MKLN1: variants seen among roughly 807,000 people sequenced by gnomAD.
MKLN1 encodes muskelin.
In MKLN1, 18 loss-of-function variants were observed where a neutral mutation model predicts 99.0. The ratio of observed to expected loss-of-function variants is 0.18; its 90% CI spans 0.13 to 0.27. The LOEUF is 0.27. Ranked by LOEUF, MKLN1 falls within the 10% of genes least tolerant of loss-of-function variation. MKLN1 has a pLI of 1.00. For missense variants in MKLN1, 621 were observed against 875.9 expected (o/e 0.71, Z 3.67); for synonymous variants, 288 against 293.2 (o/e 0.98, Z 0.18).
intron 1 of MKLN1, among the ~76,000 whole-genome samples, chr7:131,351,257 A>G (rs1799711138): frequency 6.6e-6 from 1 of 151,812 alleles, no homozygotes; most frequent in South Asian, 2.1e-4. Flanking sequence ...CTTTTAAAAA[A>G]ACAAAAAGAA....
Position 131,411,326 on chromosome 7 carries a change from A to G in MKLN1, c.724A>G (p.Ile242Val). The stretch of plus-strand genomic sequence containing the variant: ...TGCAGATGGCTTGTTCAATCAGTAT[A>G]TCAGTCAACAGGAATATAAGCCACG... ...AVNDGLFNQY[I>V]SQQEYKPRWS... Residue 242 changes from isoleucine (I) to valine (V), a missense_variant, in exon 7 of 18, where the codon ATC becomes GTC. By Grantham distance (29) the Ile-to-Val change is conservative. Around this residue, in one of 8 missense-constraint regions of MKLN1, gnomAD observed 361 missense variants for 540.8 expected, o/e 0.67. Transcript: ENST00000352689. The G allele has an allele frequency of 1.9e-6, 3 of 1,609,968 alleles. No individual in the cohort carries two copies. Among genetic ancestry groups the G allele is most frequent in the Non-Finnish European group, 2.6e-6 (3 of 1,176,360 alleles).
At chr7:131,111,600 TGAG>T (rs1795200853) in intron 1 of MKLN1, among the ~76,000 whole-genome samples, 1 of 152,148 alleles carries the variant, frequency 6.6e-6, no homozygotes, top group Non-Finnish European at 1.5e-5. Context: ...CGTCATCATT[TGAG>T]GAGTAGACTG....
At chr7:131,180,694 G>A (rs1201729427) in intron 2 of MKLN1, among the ~76,000 whole-genome samples, 3 of 119,758 alleles carry the variant, frequency 2.5e-5, no homozygotes, top group East Asian at 2.6e-4. Flanking sequence ...GTGAGACTTG[G>A]TCTCAAAAAA....
At chr7:131,212,259 C>T (rs10954306) in intron 3 of MKLN1, among the ~76,000 whole-genome samples, 27,671 of 152,220 alleles carry the variant, frequency 0.18, 2,950 homozygotes, top group Non-Finnish European at 0.25. Flanking sequence ...TTGAACCTTC[C>T]TCTAAATTCC....
At chr7:131,188,836 G>A (rs1237772598) in intron 2 of MKLN1, among the ~76,000 whole-genome samples, 6 of 152,168 alleles carry the variant, frequency 3.9e-5, no homozygotes, top group Non-Finnish European at 8.8e-5. Flanking sequence ...AGTCATCTCT[G>A]TGGTCTAAAG....
chr7:131,263,346 T>TTAATAATAA (rs79364750), intron 3 of MKLN1, among the ~76,000 whole-genome samples: 1 of 128,134 alleles, frequency 7.8e-6, no homozygotes, highest in Non-Finnish European at 1.7e-5. Flanking sequence ...TCTACAATTA[T>TTAATAATAA]TAATAATAAT....
At chr7:131,459,759 A>G (rs1308332555) in intron 12 of MKLN1, among the ~76,000 whole-genome samples, 3 of 152,002 alleles carry the variant, frequency 2.0e-5, no homozygotes, top group Non-Finnish European at 2.9e-5. Flanking sequence ...AACAACATAG[A>G]TATATGTGTG....
intron 1 of MKLN1, among the ~76,000 whole-genome samples, chr7:131,355,935 G>A (rs1451550060): frequency 2.0e-5 from 3 of 151,110 alleles, no homozygotes; most frequent in East Asian, 3.9e-4. Flanking sequence ...ACTCTAATTT[G>A]TATGCTTTGT....
At chr7:131,382,465 C>T (rs2116869067) in intron 2 of MKLN1, among the ~76,000 whole-genome samples, 1 of 151,742 alleles carries the variant, frequency 6.6e-6, no homozygotes, top group African/African-American at 2.4e-5. Flanking sequence ...TGCTTGTTGC[C>T]TTCTTGACTG....
At chr7:131,232,248 C>T (rs868702590) in intron 3 of MKLN1, among the ~76,000 whole-genome samples, 5 of 152,116 alleles carry the variant, frequency 3.3e-5, no homozygotes, top group East Asian at 1.9e-4. Context: ...ACTCTAATAG[C>T]GAAGTGATTA....
rs180904397 is a variant in MKLN1, at chr7:131,222,912, C to T, written c.-179+19938C>T. Reference sequence around the variant, plus strand: ...TAAAAACTAGCCATGCATGGTGGTGCGCACCTGTTATCCTAGTTACTTGGG... The same window carrying T: ...TAAAAACTAGCCATGCATGGTGGTGTGCACCTGTTATCCTAGTTACTTGGG... On this transcript the variant is annotated intron_variant, in intron 3 of 7. Transcript: ENST00000416992. Among the ~76,000 whole-genome samples, 586 of 150,682 alleles carry T rather than the reference C, an allele frequency of 3.9e-3. 4 individuals are homozygous for T. Among genetic ancestry groups the T allele is most frequent in the African/African-American group, 0.013 (545 of 41,016 alleles).
chr7:131,329,609 G>A (rs1048768608), intron 1 of MKLN1, among the ~76,000 whole-genome samples: 8 of 152,106 alleles, frequency 5.3e-5, no homozygotes, highest in African/African-American at 1.9e-4. Flanking sequence ...TTGAATTAGC[G>A]TATTTCCAGG....
chr7:131,468,952 G>A (rs1281476122), intron 15 of MKLN1, among the ~76,000 whole-genome samples: 21 of 152,158 alleles, frequency 1.4e-4, no homozygotes, highest in African/African-American at 5.1e-4. Context: ...AGGGAATTAA[G>A]GCACCTTCTC....
rs1169276019 is a variant in MKLN1 at position 131,210,704 on chromosome 7, G to A, written c.-179+7730G>A. Among the ~76,000 whole-genome samples, 5 of 67,552 alleles carry A rather than the reference G, an allele frequency of 7.4e-5. No individual in the cohort carries two copies. In the Admixed American group the frequency reaches 7.6e-4, roughly 10 times the overall value. The allele number at this position is 67,552 out of a possible 152,430, so 44.3% of individuals were successfully genotyped here. A position where few individuals can be genotyped will look rare whatever the true frequency, so the allele number is the denominator to read the frequency against. On this transcript the variant is annotated intron_variant, in intron 3 of 7. Transcript: ENST00000416992. ...GGAGATCGACTGAGACCCTGTCTCA[G>A]AAAAAGAAAGAGAGAAAGAGAGAGA...
intron 16 of MKLN1, among the ~76,000 whole-genome samples, chr7:131,474,677 A>G (rs1049107906): frequency 1.3e-5 from 2 of 152,250 alleles, no homozygotes; most frequent in Non-Finnish European, 2.9e-5. Flanking sequence ...ATAGGAAACA[A>G]ACAATGGAGA....
intron 12 of MKLN1, among the ~76,000 whole-genome samples, chr7:131,453,199 A>G (rs942139095): frequency 3.9e-5 from 6 of 152,248 alleles, no homozygotes; most frequent in African/African-American, 1.4e-4. Flanking sequence ...ATAGTAAATG[A>G]GAATTAAAGT....
At chr7:131,397,227 T>C in intron 4 of MKLN1, 40 bp from the exon 5 acceptor site, 1 of 1,287,982 alleles carries the variant, frequency 7.8e-7, no homozygotes, top group Non-Finnish European at 1.1e-6. Flanking sequence ...TTGAACTGTG[T>C]TAATATTTTT....
intron 9 of MKLN1, among the ~76,000 whole-genome samples, chr7:131,435,580 G>A (rs1335802626): frequency 6.6e-6 from 1 of 152,064 alleles, no homozygotes; most frequent in African/African-American, 2.4e-5. Flanking sequence ...TTTTCAGTAT[G>A]TGTAATTCCT....
At chr7:131,117,471 C>G (rs1384208524) in intron 1 of MKLN1, among the ~76,000 whole-genome samples, 3 of 150,568 alleles carry the variant, frequency 2.0e-5, no homozygotes, top group Non-Finnish European at 4.4e-5. Context: ...AACAAACAAA[C>G]AAAGAAAAAA....
Sources: gnomAD v4.1 joint callset for allele counts (sites outside exome capture counted in the v4.1 genomes callset) on GRCh38, gnomAD v4.1.1 for gene constraint, gnomAD v4.1.1 regional missense constraint, MANE v1.5 for transcripts, NCBI Gene and HGNC (gene_info 2026-07-23, HGNC 2026-07-21) for gene names.